The following TBC1D30 variants were observed in gnomAD, a reference collection of about 807,000 sequenced individuals.
The protein encoded by TBC1D30 is TBC1 domain family member 30, also known as TBC1 domain family, member 30.
Under a neutral mutation model 63.2 loss-of-function variants are expected in TBC1D30, and 31 were observed. That is an observed-to-expected ratio of 0.49 (90% confidence interval 0.37 to 0.66). The LOEUF is 0.66. Among genes scored for constraint, TBC1D30 ranks in the 30% least tolerant of loss-of-function variants. The pLI is 0.00. For missense variants in TBC1D30, 810 were observed against 953.6 expected (o/e 0.85, Z 1.98); for synonymous variants, 307 against 361.5 (o/e 0.85, Z 1.71).
upstream of TBC1D30, among the ~76,000 whole-genome samples, chr12:64,822,724 C>A (rs966652790): frequency 6.7e-6 from 1 of 148,252 alleles, no homozygotes; most frequent in Non-Finnish European, 1.5e-5. Flanking sequence ...TGTCCAGGCT[C>A]AGCCATTGTT....
At position 64,870,600 on chromosome 12, in the gene TBC1D30, A is replaced by G; in HGVS notation, c.1292-2A>G. ...TCCTTATGTCTCATCCTTCGAGCGC[A>G]GAGCCAAATGAGGAGCAGAGTCTGA... On this transcript the variant is annotated splice_acceptor_variant, in intron 10 of 11. Transcript: ENST00000539867. LOFTEE classifies it high-confidence loss of function. 1.3e-6 allele frequency: 2 copies of G among 1,536,086 alleles called. No homozygotes were observed. Among genetic ancestry groups the G allele is most frequent in the Non-Finnish European group, 8.7e-7 (1 of 1,146,796 alleles).
chr12:64,769,071 T>A (rs779435446), intron 1 of TBC1D30, among the ~76,000 whole-genome samples: 1 of 152,120 alleles, frequency 6.6e-6, no homozygotes, highest in African/African-American at 2.4e-5. Context: ...GATGAGAGGA[T>A]CGCTTGTGCC....
upstream of TBC1D30, among the ~76,000 whole-genome samples, chr12:64,780,111 T>A (rs147676279): frequency 5.3e-5 from 8 of 152,326 alleles, no homozygotes; most frequent in Middle Eastern, 3.4e-3. Context: ...ACATCTTGTA[T>A]CAGGGAATTA....
chr12:64,773,677 A>G (rs906265285), intron 1 of TBC1D30, among the ~76,000 whole-genome samples: 11 of 152,204 alleles, frequency 7.2e-5, no homozygotes, highest in African/African-American at 2.7e-4. Context: ...CACTGGTGAT[A>G]CTTCCAGGTA....
At chr12:64,829,163 A>G (rs1157063699) in intron 3 of TBC1D30, among the ~76,000 whole-genome samples, 1 of 152,176 alleles carries the variant, frequency 6.6e-6, no homozygotes, top group Non-Finnish European at 1.5e-5. Context: ...AGTGTGAGCT[A>G]GGAAGCACTG....
At chr12:64,863,514 A>G (rs1017959002) in intron 8 of TBC1D30, among the ~76,000 whole-genome samples, 1 of 152,226 alleles carries the variant, frequency 6.6e-6, no homozygotes, top group Non-Finnish European at 1.5e-5. Flanking sequence ...CAGTCCCTAT[A>G]AGCTGTGTAG....
At chr12:64,857,195 A>G (rs1361063108) in intron 8 of TBC1D30, among the ~76,000 whole-genome samples, 1 of 152,002 alleles carries the variant, frequency 6.6e-6, no homozygotes, top group Non-Finnish European at 1.5e-5. Context: ...AGCTGGAAAT[A>G]TGCTGGGTCT....
chr12:64,858,580 G>T (rs1300690683), intron 8 of TBC1D30, among the ~76,000 whole-genome samples: 1 of 152,168 alleles, frequency 6.6e-6, no homozygotes, highest in Admixed American at 6.5e-5. Context: ...CTAGGGCCTG[G>T]AATAGGGGCC....
chr12:64,856,164 TG>T (rs150172283), intron 8 of TBC1D30, among the ~76,000 whole-genome samples: 6 of 114,520 alleles, frequency 5.2e-5, no homozygotes, highest in Middle Eastern at 4.1e-3. Flanking sequence ...GAGAGTTAGA[TG>T]GGGGGGGTGG....
chr12:64,855,847 A>T (rs768590835), intron 8 of TBC1D30, among the ~76,000 whole-genome samples: 38 of 152,120 alleles, frequency 2.5e-4, no homozygotes, highest in Non-Finnish European at 1.8e-4. Flanking sequence ...GATGGTGTTG[A>T]TGCTTGTAGA....
chr12:64,818,662 C>T (rs1873700006), intron 2 of TBC1D30: 1 of 152,502 alleles, frequency 6.6e-6, no homozygotes, highest in Admixed American at 6.5e-5. Context: ...TGGTCTTGAT[C>T]TCCTGACCTC....
At chr12:64,874,767 T>G (rs562387786) in intron 11 of TBC1D30, among the ~76,000 whole-genome samples, 1 of 152,262 alleles carries the variant, frequency 6.6e-6, no homozygotes, top group South Asian at 2.1e-4. Context: ...TGTTCCTTTT[T>G]GTATCATCAC....
chr12:64,820,285 C>T (rs1008926719), upstream of TBC1D30, among the ~76,000 whole-genome samples: 1 of 152,182 alleles, frequency 6.6e-6, no homozygotes, highest in Non-Finnish European at 1.5e-5. Flanking sequence ...CTTCTTCCCC[C>T]TTCTCCCATT....
At chr12:64,808,711 C>T (rs1226214039) in intron 2 of TBC1D30, among the ~76,000 whole-genome samples, 1 of 152,138 alleles carries the variant, frequency 6.6e-6, no homozygotes, top group Non-Finnish European at 1.5e-5. Context: ...AATTGAAACT[C>T]TGTGCCTATT....
At chr12:64,847,072 T>C (rs923395011) in intron 8 of TBC1D30, among the ~76,000 whole-genome samples, 1 of 152,120 alleles carries the variant, frequency 6.6e-6, no homozygotes, top group Non-Finnish European at 1.5e-5. Context: ...TTACTTGTTA[T>C]TGGTGTGTTC....
At position 64,843,408 on chromosome 12, in the gene TBC1D30, G is replaced by A. The variant is rs1344695944; in HGVS notation, c.961G>A (p.Glu321Lys). The A allele has an allele frequency of 6.5e-7, 1 of 1,536,360 alleles. No individual in the cohort carries two copies. Among genetic ancestry groups the A allele is most frequent in the Admixed American group, 2.0e-5 (1 of 51,004 alleles). The change falls in exon 8 of 12, where the codon GAA (glutamate) becomes AAA (lysine). Residue 321 changes from glutamate to lysine, a missense_variant. Physicochemically the swap from Glu to Lys is moderately conservative, Grantham distance 56 (BLOSUM62 1). Coordinates refer to ENST00000539867, the MANE Select transcript of TBC1D30 (RefSeq NM_015279.2). Reference protein sequence around the residue: ...EQIECCETADEFYSTMGRLTQ... With the variant: ...EQIECCETADKFYSTMGRLTQ... ...GATAGAATGTTGTGAAACAGCAGATGAATTCTACAGCACCATGGGGCGCCT... is the reference window on the plus strand; with the variant it reads ...GATAGAATGTTGTGAAACAGCAGATAAATTCTACAGCACCATGGGGCGCCT...
intron 5 of TBC1D30, among the ~76,000 whole-genome samples, chr12:64,836,220 T>C (rs1565667428): frequency 6.6e-6 from 1 of 152,190 alleles, no homozygotes; most frequent in East Asian, 1.9e-4. Context: ...CACAGCTACT[T>C]ATGGGCCGAA....
In TBC1D30 at chr12:64,832,266, C is replaced by G; in HGVS notation, c.556C>G (p.Leu186Val). The change falls in exon 5 of 12, where the codon CTG (leucine) becomes GTG (valine). Residue 186 changes from leucine (L) to valine (V), a missense_variant. Leu to Val is a conservative substitution (Grantham distance 32, BLOSUM62 1). Around this residue, in one of 4 missense-constraint regions of TBC1D30, gnomAD observed 272 missense variants for 335.9 expected, o/e 0.81. Transcript: ENST00000539867. ...CTTTAACATCCTGGCTGCACTAATT[C>G]TGGAAGTGATGGAAGGCAATGAAGG... ...QGFNILAALI[L>V]EVMEGNEGDA... The G allele has an allele frequency of 1.3e-6, 2 of 1,536,070 alleles. No homozygotes were observed. Among genetic ancestry groups the G allele is most frequent in the Admixed American group, 3.9e-5 (2 of 51,002 alleles).
rs778332100 is a variant in TBC1D30 at position 64,830,461 on chromosome 12, A to G, written c.367A>G (p.Ser123Gly). 6.5e-7 allele frequency: 1 copy of G among 1,535,688 alleles called. No individual in the cohort carries two copies. Among genetic ancestry groups the G allele is most frequent in the South Asian group, 1.2e-5 (1 of 83,990 alleles). The change falls in exon 4 of 12, where the codon AGT becomes GGT. Residue 123 changes from serine (S) to glycine (G), a missense_variant. Ser to Gly is a moderately conservative substitution (Grantham distance 56). Coordinates refer to ENST00000539867, the MANE Select transcript of TBC1D30 (RefSeq NM_015279.2). ...CATGCGCTTCACTTTCAATGAAAGGAGTAATCCTGATGATGACTCCATGGG... is the reference window on the plus strand; with the variant it reads ...CATGCGCTTCACTTTCAATGAAAGGGGTAATCCTGATGATGACTCCATGGG... ...KTMRFTFNER[S>G]NPDDDSMGIQ...
Sources: gnomAD v4.1 joint callset for allele counts (sites outside exome capture counted in the v4.1 genomes callset) on GRCh38, gnomAD v4.1.1 for gene constraint, gnomAD v4.1.1 regional missense constraint, MANE v1.5 for transcripts, NCBI Gene and HGNC (gene_info 2026-07-23, HGNC 2026-07-21) for gene names.